Variants in EDEM1 observed in about 807,000 individuals in gnomAD.
The protein encoded by EDEM1 is ER degradation enhancing alpha-mannosidase like protein 1, also known as ER degradation-enhancing alpha-mannosidase-like protein 1.
In EDEM1, 67 loss-of-function variants were observed where a neutral mutation model predicts 74.4. The ratio of observed to expected loss-of-function variants is 0.90; its 90% CI spans 0.74 to 1.10. The LOEUF is 1.10. Ranked by LOEUF, EDEM1 falls within the 50% of genes least tolerant of loss-of-function variation. The pLI is 0.00. For missense variants in EDEM1, 926 were observed against 851.6 expected (o/e 1.09, Z -1.09); for synonymous variants, 382 against 335.9 (o/e 1.14, Z -1.50).
intron 6 of EDEM1, among the ~76,000 whole-genome samples, chr3:5,205,772 G>C (rs2055089099): frequency 6.6e-6 from 1 of 152,214 alleles, no homozygotes; most frequent in African/African-American, 2.4e-5. Context: ...GGCAACCACA[G>C]TGCTTTCATG....
chr3:5,211,551 A>T (rs1287388924), intron 10 of EDEM1: 1 of 307,614 alleles, frequency 3.3e-6, no homozygotes, highest in African/African-American at 2.1e-5. Flanking sequence ...AGCTGTGTTC[A>T]TAATGGCTTC....
At chr3:5,211,570 C>T (rs574598335) in intron 10 of EDEM1, among the ~76,000 whole-genome samples, 2 of 152,258 alleles carry the variant, frequency 1.3e-5, no homozygotes, top group East Asian at 3.9e-4. Context: ...TCTCACTTCT[C>T]TTGATGTATG....
chr3:5,213,879 T>C (rs1417719945), intron 11 of EDEM1, among the ~76,000 whole-genome samples: 1 of 151,934 alleles, frequency 6.6e-6, no homozygotes, highest in African/African-American at 2.4e-5. Flanking sequence ...CCCTCCCCGC[T>C]CCCCCAGTTG....
rs1222214018 is a variant in EDEM1, at chr3:5,188,156, C to T, written c.351C>T (p.Arg117=). ...GCGGCCCGGACGAGTACGAGAAGCG[C>T]TACAGCGGCGCCTTCCCTCCGCAGC... The part of the protein sequence containing the change: ...RGRGPDEYEK[R]YSGAFPPQLR... The change falls in exon 1 of 12, where the codon CGC becomes CGT. Residue 117 remains arginine, a synonymous_variant. Transcript: ENST00000256497. 5 of 1,544,236 alleles carry T rather than the reference C, an allele frequency of 3.2e-6. No individual in the cohort carries two copies. The Admixed American group carries it at 7.9e-5, about 25-fold the overall frequency.
chr3:5,208,188 G>A lies in EDEM1; in HGVS notation c.1434G>A (p.Trp478Ter). ...GTGCCCTCCCTGAGAGATATAACTG[G>A]CAGCTGCAGGCCCCTGACGTTCTCT... ...RYGALPERYN[W>*]QLQAPDVLFY... Residue 478 changes from tryptophan to a stop codon, truncating the protein, a stop_gained, in exon 8 of 12, where the codon TGG (tryptophan) becomes TGA (stop). Transcript: ENST00000256497. LOFTEE classifies it high-confidence loss of function. The A allele has an allele frequency of 6.2e-7, 1 of 1,613,606 alleles. No homozygotes were observed. Among genetic ancestry groups the A allele is most frequent in the Non-Finnish European group, 8.5e-7 (1 of 1,179,894 alleles).
rs368308758 is a variant in EDEM1, at chr3:5,203,010, A to G, written c.903A>G (p.Thr301=). Residue 301 remains threonine, a synonymous_variant, in exon 5 of 12, where the codon ACA becomes ACG. Coordinates refer to ENST00000256497, the MANE Select transcript of EDEM1 (RefSeq NM_014674.3). ...TTCCTCCTGACACCAATAATGAGAC[A>G]TGCACAGCGGGAGCCGGTTCCCTCC... ...TGVPPDTNNE[T]CTAGAGSLLV... 32 of 1,613,906 alleles carry G rather than the reference A, an allele frequency of 2.0e-5. No homozygotes were observed. The highest frequency in any genetic ancestry group is 1.6e-4 in the Middle Eastern group (1 of 6,084).
chr3:5,202,056 AT>A (rs2055041157), intron 4 of EDEM1, 132 bp downstream of exon 4: 2 of 1,170,320 alleles, frequency 1.7e-6, no homozygotes, highest in Admixed American at 6.2e-5. Flanking sequence ...CCTTAGAAGA[AT>A]TTGGCCTTAA....
At chr3:5,192,901 C>T (rs928336775) in intron 1 of EDEM1, among the ~76,000 whole-genome samples, 1 of 151,908 alleles carries the variant, frequency 6.6e-6, no homozygotes, top group Non-Finnish European at 1.5e-5. Flanking sequence ...GAGAAGAAAC[C>T]CCACAGTTAC....
intron 3 of EDEM1, 52 bp from the exon 4 acceptor site, chr3:5,201,701 T>A: frequency 6.2e-7 from 1 of 1,601,416 alleles, no homozygotes; most frequent in Non-Finnish European, 8.5e-7. Flanking sequence ...TTGGATTATG[T>A]GCATTTACAA....
chr3:5,196,183 G>C (rs370914702), intron 2 of EDEM1, among the ~76,000 whole-genome samples: 17 of 152,310 alleles, frequency 1.1e-4, no homozygotes, highest in Middle Eastern at 3.4e-3. Flanking sequence ...GGGGCCGGGC[G>C]CAGTGGCTCA....
At chr3:5,190,373 A>G (rs971991752) in intron 1 of EDEM1, among the ~76,000 whole-genome samples, 2 of 152,248 alleles carry the variant, frequency 1.3e-5, no homozygotes, top group African/African-American at 4.8e-5. Flanking sequence ...AATTGTGATA[A>G]CACTTTCATT....
intron 2 of EDEM1, among the ~76,000 whole-genome samples, chr3:5,196,380 C>G (rs1416146464): frequency 6.6e-6 from 1 of 152,024 alleles, no homozygotes; most frequent in Non-Finnish European, 1.5e-5. Flanking sequence ...ATGCTTGAAC[C>G]CAGGAGTCAG....
intron 7 of EDEM1, 128 bp downstream of exon 7, chr3:5,207,401 C>T (rs772657381): frequency 1.4e-5 from 18 of 1,283,120 alleles, no homozygotes; most frequent in African/African-American, 3.0e-5. Flanking sequence ...TGACACTATA[C>T]GTCTTCATCT....
At position 5,219,462 on chromosome 3, in the gene EDEM1, G is replaced by T. The variant is rs1270408494; in HGVS notation, c.*3544G>T. 5 of 152,146 alleles carry T rather than the reference G, an allele frequency of 3.3e-5. No homozygotes were observed. Among genetic ancestry groups the T allele is most frequent in the African/African-American group, 9.7e-5 (4 of 41,426 alleles). 9.4% of individuals were successfully genotyped at this position (152,146 alleles called of 1,614,324 possible). ...ACCCCTTGGGAAATCGAGGAGGTGG[G>T]ACGGGCTGGGCCCTGTGTCCCAGGT... On this transcript the variant is annotated 3_prime_UTR_variant, in exon 12 of 12. Transcript: ENST00000256497.
chr3:5,200,937 C>G (rs971468693), intron 3 of EDEM1, among the ~76,000 whole-genome samples: 6 of 150,870 alleles, frequency 4.0e-5, no homozygotes, highest in African/African-American at 1.5e-4. Context: ...TGCTCTGTTG[C>G]CCAGGCTGAA....
chr3:5,214,457 C>T (rs181851393), intron 11 of EDEM1, among the ~76,000 whole-genome samples: 18 of 152,270 alleles, frequency 1.2e-4, no homozygotes, highest in Middle Eastern at 3.4e-3. Context: ...TAACCACCCC[C>T]GCCCCCATTT....
rs191692329 is a variant in EDEM1 at position 5,208,743 on chromosome 3, T to G, written c.1509+480T>G. ...GCCTGTTTTTGTTTAATGTTTGTGT[T>G]TGTGTGTGTGTGTGTGTATATATAT... On this transcript the variant is annotated intron_variant, in intron 8 of 11. Transcript: ENST00000256497. Among the ~76,000 whole-genome samples the G allele has an allele frequency of 1.5e-3, 218 of 149,432 alleles. 1 individual carries two copies. Among genetic ancestry groups the G allele is most frequent in the African/African-American group, 4.9e-3 (200 of 40,648 alleles).
At chr3:5,211,559 T>G (rs2055168479) in intron 10 of EDEM1, among the ~76,000 whole-genome samples, 1 of 152,306 alleles carries the variant, frequency 6.6e-6, no homozygotes, top group East Asian at 1.9e-4. Context: ...TCATAATGGC[T>G]TCTCACTTCT....
chr3:5,201,360 G>T (rs2055032478), intron 3 of EDEM1, among the ~76,000 whole-genome samples: 1 of 151,880 alleles, frequency 6.6e-6, no homozygotes, highest in Non-Finnish European at 1.5e-5. Flanking sequence ...TTGCCTTGTT[G>T]CCCAGGCTAG....
Sources: allele counts gnomAD v4.1 joint callset (sites outside exome capture counted in the v4.1 genomes callset), GRCh38; gene constraint gnomAD v4.1.1; transcripts MANE v1.5; gene names NCBI Gene and HGNC (gene_info 2026-07-23, HGNC 2026-07-21).